INTS6: variants seen among roughly 807,000 people sequenced by gnomAD.
INTS6 encodes the protein DEAD box protein.
Under a neutral mutation model 104.9 loss-of-function variants are expected in INTS6, and 16 were observed. The ratio of observed to expected loss-of-function variants is 0.15; its 90% CI spans 0.10 to 0.23. INTS6 has a LOEUF of 0.23. Ranked by LOEUF, INTS6 falls within the 10% of genes least tolerant of loss-of-function variation. INTS6 has a pLI of 1.00. For missense variants in INTS6, 584 were observed against 1,062.8 expected (o/e 0.55, Z 6.26); for synonymous variants, 324 against 358.7 (o/e 0.90, Z 1.09).
At chr13:51,430,255 C>T (rs1399745378) in intron 4 of INTS6, 39 bp downstream of exon 4, 3 of 1,515,814 alleles carry the variant, frequency 2.0e-6, no homozygotes, top group South Asian at 2.3e-5. Flanking sequence ...GATTGTTCAA[C>T]TGCATTTGCA....
intron 4 of INTS6, among the ~76,000 whole-genome samples, chr13:51,422,309 C>T (rs2138072192): frequency 6.6e-6 from 1 of 152,212 alleles, no homozygotes; most frequent in East Asian, 1.9e-4. Flanking sequence ...TATATTTTTA[C>T]TTATTTGAGA....
At chr13:51,347,644 A>C in the INTS6 span, among the ~76,000 whole-genome samples, 1 of 152,188 alleles carries the variant, frequency 6.6e-6, no homozygotes, top group African/African-American at 2.4e-5. Context: ...CGCATCAGAA[A>C]ATATTAAATG....
intron 4 of INTS6, among the ~76,000 whole-genome samples, chr13:51,418,169 T>C (rs1356757571): frequency 6.6e-6 from 1 of 152,228 alleles, no homozygotes; most frequent in Non-Finnish European, 1.5e-5. Flanking sequence ...AGTAATACAG[T>C]AACAGTCCTT....
intron 3 of INTS6, chr13:51,445,483 G>A (rs1239667100): frequency 1.3e-5 from 2 of 152,222 alleles, no homozygotes; most frequent in African/African-American, 4.8e-5. Context: ...GGAAAAGGAT[G>A]CTTTTGTCTA....
rs1237523891 is a variant in INTS6, at chr13:51,364,329, AT to A, written c.*1422del. ...CAATGCTTTTCTTCATAAAGTTATA[AT>A]TTCATTTTGCTATACCCTTGAAATT... On this transcript the variant is annotated 3_prime_UTR_variant, in exon 18 of 18. Transcript: ENST00000311234. The A allele has an allele frequency of 7.8e-6, 9 of 1,154,698 alleles. No individual in the cohort carries two copies. The highest frequency in any genetic ancestry group is 9.7e-6 in the Non-Finnish European group (8 of 822,744). The allele number at this position is 1,154,698 out of a possible 1,614,324, so 71.5% of individuals were successfully genotyped here.
the INTS6 span, chr13:51,341,279 T>C: frequency 1.2e-6 from 2 of 1,613,908 alleles, no homozygotes; most frequent in East Asian, 4.5e-5. Flanking sequence ...CCCCTGGAGA[T>C]CCTGCAGTTT....
chr13:51,439,236 A>C (rs897023643), intron 3 of INTS6: 6 of 152,166 alleles, frequency 3.9e-5, no homozygotes, highest in Non-Finnish European at 5.9e-5. Flanking sequence ...CTTCACTAGG[A>C]GTCCCACACC....
chr13:51,346,935 A>T, the INTS6 span: 1 of 925,410 alleles, frequency 1.1e-6, no homozygotes, highest in Non-Finnish European at 1.7e-6. Flanking sequence ...TTCGCATTTT[A>T]ACTCTGCACT....
At chr13:51,451,247 G>A (rs1953035871) in intron 2 of INTS6, 73 bp from the exon 3 acceptor site, 1 of 1,236,050 alleles carries the variant, frequency 8.1e-7, no homozygotes, top group Non-Finnish European at 1.1e-6. Flanking sequence ...ATAATCTGAC[G>A]TTCACCAAGT....
chr13:51,342,056 T>C, the INTS6 span, among the ~76,000 whole-genome samples: 1 of 151,916 alleles, frequency 6.6e-6, no homozygotes, highest in East Asian at 1.9e-4. Flanking sequence ...CTGCTTACGC[T>C]CAGTGCCTCA....
chr13:51,374,256 T>C lies in INTS6; in HGVS notation c.2056A>G (p.Thr686Ala), dbSNP rs572515264. Residue 686 changes from threonine to alanine, a missense_variant, in exon 15 of 18, where the codon ACA becomes GCA. By Grantham distance (58) the Thr-to-Ala change is moderately conservative. Coordinates refer to ENST00000311234, the MANE Select transcript of INTS6 (RefSeq NM_012141.3). ...HIGGKGPPAP[T>A]TQAQPDLIKP... ...ATAAGATCTGGCTGTGCTTGAGTTGTAGGTGCAGGTGGTCCTTTTCCCCCA... is the reference window on the plus strand; with the variant it reads ...ATAAGATCTGGCTGTGCTTGAGTTGCAGGTGCAGGTGGTCCTTTTCCCCCA... 58 of 1,614,108 alleles carry C rather than the reference T, an allele frequency of 3.6e-5. No individual in the cohort carries two copies. In the East Asian group the frequency reaches 1.0e-3, roughly 29 times the overall value.
intron 14 of INTS6, 56 bp from the exon 15 acceptor site, chr13:51,374,495 C>CA: frequency 6.4e-7 from 1 of 1,551,534 alleles, no homozygotes; most frequent in South Asian, 1.1e-5. Flanking sequence ...TTAAATGGCA[C>CA]AACCAGTGTC....
At chr13:51,380,267 T>C (rs1956020645) in intron 10 of INTS6, among the ~76,000 whole-genome samples, 1 of 152,082 alleles carries the variant, frequency 6.6e-6, no homozygotes, top group Non-Finnish European at 1.5e-5. Context: ...AAACTTTCAA[T>C]TGTAAGGAGA....
the INTS6 span, chr13:51,347,005 C>T: frequency 6.4e-7 from 1 of 1,553,240 alleles, no homozygotes; most frequent in Non-Finnish European, 8.7e-7. Flanking sequence ...CCCATGGCCA[C>T]CTTGCTTTCC....
chr13:51,361,131 A>C (rs1240657966), downstream of INTS6: 1 of 528,054 alleles, frequency 1.9e-6, no homozygotes, highest in Non-Finnish European at 3.4e-6. Context: ...TAAAAACAAA[A>C]ACAGAATTTT....
chr13:51,381,133 G>A (rs968940238), intron 10 of INTS6, among the ~76,000 whole-genome samples: 4 of 152,162 alleles, frequency 2.6e-5, no homozygotes, highest in Admixed American at 6.5e-5. Flanking sequence ...ATGGTTTAAA[G>A]TATACAAGAG....
At chr13:51,418,630 G>A (rs1956837520) in intron 4 of INTS6, among the ~76,000 whole-genome samples, 1 of 152,000 alleles carries the variant, frequency 6.6e-6, no homozygotes, top group Admixed American at 6.5e-5. Context: ...TGTATCCTTA[G>A]GAATATCCAA....
chr13:51,440,367 G>A (rs1226806860), intron 3 of INTS6: 1 of 151,926 alleles, frequency 6.6e-6, no homozygotes, highest in African/African-American at 2.4e-5. Context: ...ACTAAAAAGA[G>A]TTAAAAAGTT....
Position 51,395,454 on chromosome 13 carries a change from A to G in INTS6, c.459T>C (p.Pro153=). 2 of 1,612,906 alleles carry G rather than the reference A, an allele frequency of 1.2e-6. No homozygotes were observed. Among genetic ancestry groups the G allele is most frequent in the South Asian group, 1.1e-5 (1 of 90,750 alleles). ...AAGGTTCCTTGGTCAATTCACTTCC[A>G]GGCAAAGGAGAATTAAGAGGTAAAT... ...ELHLPLNSPL[P]GSELTKEPFR... is the part of the protein sequence containing the mutation. Residue 153 remains proline (P), a synonymous_variant, in exon 5 of 18, where the codon CCT becomes CCC. Transcript: ENST00000311234.
Sources: gnomAD v4.1 joint callset for allele counts (sites outside exome capture counted in the v4.1 genomes callset) on GRCh38, gnomAD v4.1.1 for gene constraint, MANE v1.5 for transcripts, NCBI Gene and HGNC (gene_info 2026-07-23, HGNC 2026-07-21) for gene names.